PHIP: variants seen among roughly 807,000 people sequenced by gnomAD.
The protein encoded by PHIP is PH-interacting protein.
A neutral mutation model predicts 236.8 loss-of-function variants in PHIP; 54 were observed. The ratio of observed to expected loss-of-function variants is 0.23; its 90% CI spans 0.18 to 0.29. The LOEUF (loss-of-function observed/expected upper bound fraction) is 0.29, where lower values mean the gene tolerates loss of function less well. Among genes scored for constraint, PHIP ranks in the 10% least tolerant of loss-of-function variants. The pLI is 1.00. For synonymous variants in PHIP, 756 were observed against 718.9 expected (o/e 1.05, Z -0.83); for missense variants, 1,370 against 2,190.8 (o/e 0.63, Z 7.48).
intron 9 of PHIP, among the ~76,000 whole-genome samples, chr6:79,021,042 CCATCATT>C: frequency 6.6e-6 from 1 of 152,270 alleles, no homozygotes; most frequent in African/African-American, 2.4e-5. Flanking sequence ...ACCTGATGGA[CCATCATT>C]TGAGTCTTTG....
intron 23 of PHIP, 131 bp downstream of exon 23, chr6:78,982,755 G>A: frequency 1.7e-6 from 1 of 590,452 alleles, no homozygotes; most frequent in Non-Finnish European, 2.9e-6. Context: ...TTACTACTGT[G>A]TATTTCTGAG....
chr6:78,962,921 T>C (rs1766876952), intron 30 of PHIP, among the ~76,000 whole-genome samples, 176 bp downstream of exon 30: 1 of 152,172 alleles, frequency 6.6e-6, no homozygotes, highest in African/African-American at 2.4e-5. Context: ...TTTATAACTG[T>C]TTTAAATAGT....
At chr6:79,013,232 C>T (rs901614581) in intron 15 of PHIP, among the ~76,000 whole-genome samples, 2 of 151,600 alleles carry the variant, frequency 1.3e-5, no homozygotes, top group African/African-American at 4.8e-5. Flanking sequence ...TATGTGGGAG[C>T]ATTTTGGAAA....
At chr6:79,077,315 C>A (rs1774220565) in intron 4 of PHIP, 133 bp downstream of exon 4, 1 of 880,360 alleles carries the variant, frequency 1.1e-6, no homozygotes, top group Non-Finnish European at 1.9e-6. Context: ...CGCCGGCCTC[C>A]CAACCCTCCC....
chr6:78,940,650 G>A lies in PHIP; in HGVS notation c.*43C>T, dbSNP rs747260685. The A allele has an allele frequency of 8.5e-7, 1 of 1,181,402 alleles. No homozygotes were observed. The highest frequency in any genetic ancestry group is 1.3e-5 in the South Asian group (1 of 75,690). The allele number at this position is 1,181,402 out of a possible 1,614,324, so 73.2% of individuals were successfully genotyped here. A position where few individuals can be genotyped will look rare whatever the true frequency, so the allele number is the denominator to read the frequency against. On this transcript the variant is annotated 3_prime_UTR_variant, in exon 40 of 40. Coordinates refer to ENST00000275034, the MANE Select transcript of PHIP (RefSeq NM_017934.7). Reference sequence around the variant, plus strand: ...CCTTAGTTCTACTTATTCCTTAACTGTACCTGCTTTATAGATTTTGAAGTA... The same window carrying A: ...CCTTAGTTCTACTTATTCCTTAACTATACCTGCTTTATAGATTTTGAAGTA...
intron 23 of PHIP, among the ~76,000 whole-genome samples, chr6:78,979,266 A>G (rs762711996): frequency 5.9e-5 from 9 of 152,002 alleles, no homozygotes; most frequent in Non-Finnish European, 1.0e-4. Flanking sequence ...TACAAAGAGA[A>G]CTAACTAGAA....
At chr6:78,968,549 G>A (rs1362132048) in intron 27 of PHIP, among the ~76,000 whole-genome samples, 1 of 152,154 alleles carries the variant, frequency 6.6e-6, no homozygotes, top group East Asian at 1.9e-4. Flanking sequence ...TATCCATGGA[G>A]GTCCTGGAAG....
intron 24 of PHIP, among the ~76,000 whole-genome samples, chr6:78,972,288 G>C (rs1229368458): frequency 6.6e-6 from 1 of 152,038 alleles, no homozygotes; most frequent in Non-Finnish European, 1.5e-5. Flanking sequence ...CACACTGCAG[G>C]GTACTCCAAC....
At chr6:79,008,461 A>C (rs1770413012) in intron 15 of PHIP, among the ~76,000 whole-genome samples, 1 of 152,220 alleles carries the variant, frequency 6.6e-6, no homozygotes, top group Middle Eastern at 3.4e-3. Context: ...ATTTAACATC[A>C]TTTTGTACCC....
chr6:79,039,018 A>G (rs1027113704), intron 7 of PHIP, among the ~76,000 whole-genome samples: 2 of 152,178 alleles, frequency 1.3e-5, no homozygotes, highest in African/African-American at 2.4e-5. Flanking sequence ...TCCCACTGTG[A>G]CTGTTTAATC....
At chr6:78,987,312 C>T (rs1056654547) in intron 21 of PHIP, among the ~76,000 whole-genome samples, 4 of 152,014 alleles carry the variant, frequency 2.6e-5, no homozygotes, top group Admixed American at 6.6e-5. Context: ...TTTTGTATGT[C>T]TATCCAAATT....
At chr6:79,046,765 A>T (rs1408148712) in intron 6 of PHIP, among the ~76,000 whole-genome samples, 4 of 152,100 alleles carry the variant, frequency 2.6e-5, no homozygotes, top group Non-Finnish European at 5.9e-5. Context: ...AATCCCAGCT[A>T]TGTGGGAGGC....
At position 78,978,655 on chromosome 6, in the gene PHIP, T is replaced by C. The variant is rs2127715024; in HGVS notation, c.2826A>G (p.Pro942=). The change falls in exon 24 of 40, where the codon CCA becomes CCG. Residue 942 remains proline, a synonymous_variant. Transcript: ENST00000275034. ...ENGLTLEEWL[P]STWITDTIPR... is the part of the protein sequence containing the mutation. ...GAATGGTATCTGTAATCCATGTTGA[T>C]GGCAACCATTCTTCTAATGTCAAAC... 1.3e-6 allele frequency: 2 copies of C among 1,598,218 alleles called. No homozygotes were observed. The highest frequency in any genetic ancestry group is 2.2e-5 in the East Asian group (1 of 44,752).
rs1210040026 is a variant in PHIP at position 78,983,002 on chromosome 6, C to T, written c.2653G>A (p.Glu885Lys). Residue 885 changes from glutamate to lysine, a missense_variant, in exon 23 of 40, where the codon GAA (glutamate) becomes AAA (lysine). By Grantham distance (56) the Glu-to-Lys change is moderately conservative. Transcript: ENST00000275034. ...TTTTGCTTCTGTTTTTCAGATTCTT[C>T]TTCTTCATCTGAACTGCTTTCTGCT... ...KKAESSSDEEEESEKQKQKQI... is the reference protein window; with the variant it reads ...KKAESSSDEEKESEKQKQKQI... 2 of 1,606,972 alleles carry T rather than the reference C, an allele frequency of 1.2e-6. No homozygotes were observed. The highest frequency in any genetic ancestry group is 4.5e-5 in the East Asian group (2 of 44,704).
Position 78,938,999 on chromosome 6 carries a change from CT to C in PHIP, c.*1693del, listed in dbSNP as rs1482874691. 6.6e-6 allele frequency: 1 copy of C among 151,664 alleles called. No homozygotes were observed. Among genetic ancestry groups the C allele is most frequent in the Non-Finnish European group, 1.5e-5 (1 of 67,652 alleles). The allele number at this position is 151,664 out of a possible 1,614,324, so 9.4% of individuals were successfully genotyped here. ...CTGATACATATTTTCCCCATCCTCA[CT>C]TTTTAAAAATGTAGTATCTGAAAAT... On this transcript the variant is annotated 3_prime_UTR_variant, in exon 40 of 40. Transcript: ENST00000275034.
At chr6:79,053,032 G>C (rs1562211457) in intron 6 of PHIP, among the ~76,000 whole-genome samples, 2 of 152,102 alleles carry the variant, frequency 1.3e-5, no homozygotes, top group African/African-American at 2.4e-5. Flanking sequence ...AATAAAGTAA[G>C]ATCAGCTGAG....
intron 6 of PHIP, among the ~76,000 whole-genome samples, chr6:79,043,923 T>C (rs913761389): frequency 2.0e-5 from 3 of 151,548 alleles, no homozygotes; most frequent in Admixed American, 2.0e-4. Flanking sequence ...AAACTAAATA[T>C]ATATACAAAA....
chr6:79,003,580 G>A (rs1770128903), intron 16 of PHIP, 150 bp downstream of exon 16: 3 of 456,486 alleles, frequency 6.6e-6, no homozygotes, highest in Non-Finnish European at 1.1e-5. Context: ...CTTCCTTTCC[G>A]AAACTAAGTC....
intron 22 of PHIP, among the ~76,000 whole-genome samples, chr6:78,984,453 GCATAAA>G (rs1406672154): frequency 6.6e-6 from 1 of 152,060 alleles, no homozygotes; most frequent in Non-Finnish European, 1.5e-5. Flanking sequence ...TCTGCTGTCA[GCATAAA>G]CATAATTACA....
Sources: allele counts gnomAD v4.1 joint callset (sites outside exome capture counted in the v4.1 genomes callset), GRCh38; gene constraint gnomAD v4.1.1; transcripts MANE v1.5; gene names NCBI Gene and HGNC (gene_info 2026-07-23, HGNC 2026-07-21).